The following LIFR variants were observed in gnomAD, a reference collection of about 807,000 sequenced individuals.
The protein encoded by LIFR is LIF receptor subunit alpha.
In LIFR, 84 loss-of-function variants were observed where a neutral mutation model predicts 122.2. The ratio of observed to expected loss-of-function variants is 0.69; its 90% CI spans 0.58 to 0.82. LIFR has a LOEUF of 0.82. LIFR is among the 40% of genes least tolerant of loss of function. The probability of loss-of-function intolerance (pLI) is 0.00; values close to 1 mark genes in which losing one functional copy is unlikely to be tolerated. For missense variants in LIFR, 1,294 were observed against 1,311.6 expected, an observed-to-expected ratio of 0.99 and a Z score of 0.21; for synonymous variants, 422 against 434.7, an observed-to-expected ratio of 0.97 and a Z score of 0.36.
chr5:38,500,792 C>T (rs1334331013), intron 11 of LIFR, among the ~76,000 whole-genome samples: 5 of 152,156 alleles, frequency 3.3e-5, no homozygotes, highest in Non-Finnish European at 7.3e-5. Flanking sequence ...TCCCCATGTG[C>T]GTGGTGCCCT....
At chr5:38,571,384 T>C (rs1749203639) in intron 1 of LIFR, among the ~76,000 whole-genome samples, 1 of 152,052 alleles carries the variant, frequency 6.6e-6, no homozygotes, top group South Asian at 2.1e-4. Flanking sequence ...AAACCCTGTC[T>C]CTACTAAAAA....
At chr5:38,562,735 A>G (rs1465825599) in intron 1 of LIFR, among the ~76,000 whole-genome samples, 2 of 152,180 alleles carry the variant, frequency 1.3e-5, no homozygotes, top group African/African-American at 4.8e-5. Context: ...ATCCTTGAAT[A>G]TATTATTCTA....
chr5:38,491,297 T>C (rs1376190985), intron 14 of LIFR, among the ~76,000 whole-genome samples: 6 of 152,302 alleles, frequency 3.9e-5, no homozygotes, highest in African/African-American at 1.2e-4. Flanking sequence ...AACACAGACA[T>C]GCACAAAACG....
At chr5:38,516,087 C>T (rs191659581) in intron 5 of LIFR, among the ~76,000 whole-genome samples, 1 of 152,248 alleles carries the variant, frequency 6.6e-6, no homozygotes, top group Admixed American at 6.5e-5. Context: ...CTCATTGCTT[C>T]TTGCTATTAT....
intron 1 of LIFR, among the ~76,000 whole-genome samples, chr5:38,541,304 T>C (rs1237613060): frequency 3.3e-5 from 5 of 152,198 alleles, no homozygotes; most frequent in Non-Finnish European, 1.5e-5. Context: ...CAGAGGCCTG[T>C]GAGCTTGATA....
chr5:38,537,348 C>A (rs1314522323), intron 1 of LIFR, among the ~76,000 whole-genome samples: 2 of 152,186 alleles, frequency 1.3e-5, no homozygotes, highest in Non-Finnish European at 2.9e-5. Flanking sequence ...TGCAATGTCT[C>A]CTATATTTCC....
chr5:38,602,473 T>TCTTCTCTTTGAGGC (rs1394555781), intron 2 of LIFR, among the ~76,000 whole-genome samples: 1 of 152,158 alleles, frequency 6.6e-6, no homozygotes, highest in African/African-American at 2.4e-5. Context: ...CCCTCCATCA[T>TCTTCTCTTTGAGGC]CTTCTCTTTG....
chr5:38,496,484 C>T lies in LIFR; in HGVS notation c.1783G>A (p.Glu595Lys). 1.2e-6 allele frequency: 2 copies of T among 1,614,056 alleles called. No homozygotes were observed. Among genetic ancestry groups the T allele is most frequent in the Non-Finnish European group, 1.7e-6 (2 of 1,179,890 alleles). Residue 595 changes from glutamate (E) to lysine (K), a missense_variant, in exon 13 of 20, where the codon GAG (glutamate) becomes AAG (lysine). By Grantham distance (56) the Glu-to-Lys change is moderately conservative (BLOSUM62 1). Coordinates refer to ENST00000453190, the MANE Select transcript of LIFR (RefSeq NM_001127671.2). The stretch of plus-strand genomic sequence containing the variant: ...TAGTCATTCTTATCAAGTCGTATCT[C>T]TGCTTTGTGCTGAGGATCAGGGATT... ...SEIPDPQHKAEIRLDKNDYII... is the reference protein window; with the variant it reads ...SEIPDPQHKAKIRLDKNDYII...
chr5:38,573,274 CT>C (rs749982226), intron 1 of LIFR, among the ~76,000 whole-genome samples: 2 of 152,182 alleles, frequency 1.3e-5, no homozygotes, highest in Non-Finnish European at 2.9e-5. Flanking sequence ...GAGTGCAAAT[CT>C]TGACTCTCTG....
chr5:38,533,057 C>T (rs907317474), intron 1 of LIFR, among the ~76,000 whole-genome samples: 5 of 152,164 alleles, frequency 3.3e-5, no homozygotes, highest in African/African-American at 1.2e-4. Flanking sequence ...CAGCCACCAG[C>T]CTCATTTTGC....
At chr5:38,511,089 C>T (rs1011657555) in intron 6 of LIFR, among the ~76,000 whole-genome samples, 11 of 152,116 alleles carry the variant, frequency 7.2e-5, no homozygotes, top group African/African-American at 2.7e-4. Flanking sequence ...AATCCACACC[C>T]CCCAAAAATC....
chr5:38,561,806 T>TACC (rs572654039), intron 1 of LIFR, among the ~76,000 whole-genome samples: 69 of 152,332 alleles, frequency 4.5e-4, no homozygotes, highest in African/African-American at 1.6e-3. Flanking sequence ...ATCACTGAGA[T>TACC]ACCCATAAAG....
intron 1 of LIFR, among the ~76,000 whole-genome samples, chr5:38,541,926 C>G (rs1747612969): frequency 6.6e-6 from 1 of 152,056 alleles, no homozygotes; most frequent in South Asian, 2.1e-4. Flanking sequence ...ATAAGCTGGG[C>G]CAATATTGTA....
chr5:38,505,886 T>C lies in LIFR; in HGVS notation c.1291+19A>G. The stretch of plus-strand genomic sequence containing the variant: ...ACTTTTAAAGTTATTTTTAAGACAT[T>C]AGTTTATGTACAGCTTACCTTTTTC... On this transcript the variant is annotated intron_variant, in intron 9 of 19. Coordinates refer to ENST00000453190, the MANE Select transcript of LIFR (RefSeq NM_001127671.2). 6.5e-7 allele frequency: 1 copy of C among 1,535,820 alleles called. No homozygotes were observed. The highest frequency in any genetic ancestry group is 8.9e-7 in the Non-Finnish European group (1 of 1,122,978).
intron 1 of LIFR, among the ~76,000 whole-genome samples, chr5:38,562,992 G>A (rs1580196861): frequency 6.6e-6 from 1 of 152,258 alleles, no homozygotes; most frequent in East Asian, 1.9e-4. Context: ...CTGGAACACT[G>A]CCTGGGTCTC....
chr5:38,529,733 T>C (rs1392782141), intron 2 of LIFR, among the ~76,000 whole-genome samples: 1 of 151,170 alleles, frequency 6.6e-6, no homozygotes, highest in African/African-American at 2.5e-5. Flanking sequence ...ATTCTATAAA[T>C]GTTTATGAAA....
At chr5:38,539,821 A>G (rs1264660614) in intron 1 of LIFR, among the ~76,000 whole-genome samples, 1 of 152,174 alleles carries the variant, frequency 6.6e-6, no homozygotes, top group African/African-American at 2.4e-5. Context: ...ATTTATACAT[A>G]TATTTCAGAT....
intron 15 of LIFR, among the ~76,000 whole-genome samples, chr5:38,489,469 A>G (rs537652987): frequency 6.6e-6 from 1 of 152,354 alleles, no homozygotes; most frequent in Middle Eastern, 3.4e-3. Context: ...AGAACTTACA[A>G]TATCCCTTTT....
chr5:38,584,845 T>TA (rs1263994037), intron 1 of LIFR, among the ~76,000 whole-genome samples: 3 of 152,088 alleles, frequency 2.0e-5, no homozygotes, highest in Non-Finnish European at 4.4e-5. Context: ...GTTAAATAAG[T>TA]AGAGTTCAGC....
Sources: gnomAD v4.1 joint callset for allele counts (sites outside exome capture counted in the v4.1 genomes callset) on GRCh38, gnomAD v4.1.1 for gene constraint, MANE v1.5 for transcripts, NCBI Gene and HGNC (gene_info 2026-07-23, HGNC 2026-07-21) for gene names.